The following KHDRBS2 variants were observed in gnomAD, a reference collection of about 807,000 sequenced individuals.
KHDRBS2 encodes KH domain-containing, RNA-binding, signal transduction-associated protein 2.
Under a neutral mutation model 44.3 loss-of-function variants are expected in KHDRBS2, and 26 were observed. The ratio of observed to expected loss-of-function variants is 0.59; its 90% CI spans 0.43 to 0.81. The LOEUF is 0.81. Among genes scored for constraint, KHDRBS2 ranks in the 40% least tolerant of loss-of-function variants. The probability of loss-of-function intolerance (pLI) is 0.00; values close to 1 mark genes in which losing one functional copy is unlikely to be tolerated. For synonymous variants in KHDRBS2, 194 were observed against 151.1 expected, an observed-to-expected ratio of 1.28 and a Z score of -2.08; for missense variants, 476 against 433.1, an observed-to-expected ratio of 1.10 and a Z score of -0.88.
In KHDRBS2 at chr6:62,171,311, T is replaced by C. The variant is rs190598353; in HGVS notation, c.219+5874A>G. The stretch of plus-strand genomic sequence containing the variant: ...ACAATCACAAGTATTAACAACAGAA[T>C]AGACCAAGCTGAGGAAAGAATCTTA... On this transcript the variant is annotated intron_variant, in intron 2 of 8. Transcript: ENST00000281156. Among the ~76,000 whole-genome samples, 121 of 151,924 alleles carry C rather than the reference T, an allele frequency of 8.0e-4. 1 individual carries two copies. In the Middle Eastern group the frequency reaches 0.014, roughly 17 times the overall value.
intron 6 of KHDRBS2, among the ~76,000 whole-genome samples, chr6:61,886,846 T>C (rs1362192775): frequency 6.6e-6 from 1 of 152,218 alleles, no homozygotes; most frequent in Non-Finnish European, 1.5e-5. Flanking sequence ...AGAGATAGTT[T>C]CTCTTTAACT....
At chr6:62,048,682 T>C (rs974012858) in intron 2 of KHDRBS2, among the ~76,000 whole-genome samples, 1 of 151,814 alleles carries the variant, frequency 6.6e-6, no homozygotes, top group Non-Finnish European at 1.5e-5. Flanking sequence ...AATTCTGGGG[T>C]TCCACATAAT....
At chr6:62,031,913 A>G (rs1194964772) in intron 3 of KHDRBS2, among the ~76,000 whole-genome samples, 1 of 152,052 alleles carries the variant, frequency 6.6e-6, no homozygotes, top group Non-Finnish European at 1.5e-5. Flanking sequence ...AAGTGGTTAT[A>G]GAAGGCCATA....
At chr6:62,103,959 A>G (rs1038033419) in intron 2 of KHDRBS2, among the ~76,000 whole-genome samples, 1 of 152,230 alleles carries the variant, frequency 6.6e-6, no homozygotes, top group Non-Finnish European at 1.5e-5. Context: ...TAAGAAACAT[A>G]AGGTCATAAA....
At chr6:62,049,567 T>A (rs1488977223) in intron 2 of KHDRBS2, among the ~76,000 whole-genome samples, 16 of 152,004 alleles carry the variant, frequency 1.1e-4, no homozygotes, top group Admixed American at 1.1e-3. Flanking sequence ...ATAAATGTCA[T>A]CTTTTGGGAA....
chr6:61,851,527 A>T (rs182293737), intron 6 of KHDRBS2, among the ~76,000 whole-genome samples: 16 of 152,266 alleles, frequency 1.1e-4, no homozygotes, highest in African/African-American at 3.6e-4. Context: ...GACTGGTATC[A>T]TCATAAGAAA....
At chr6:61,555,923 G>A in the KHDRBS2 span, among the ~76,000 whole-genome samples, 82 of 152,268 alleles carry the variant, frequency 5.4e-4, no homozygotes, top group Admixed American at 9.2e-4. Flanking sequence ...TGGATCACTC[G>A]CCACAACACT....
At chr6:62,181,322 A>C (rs1179045354) in intron 1 of KHDRBS2, among the ~76,000 whole-genome samples, 1 of 151,956 alleles carries the variant, frequency 6.6e-6, no homozygotes, top group Non-Finnish European at 1.5e-5. Flanking sequence ...TATCCAAAAT[A>C]CATAAGGAAC....
intron 8 of KHDRBS2, among the ~76,000 whole-genome samples, chr6:61,688,841 G>A (rs945164035): frequency 2.0e-5 from 3 of 151,864 alleles, no homozygotes; most frequent in African/African-American, 4.8e-5. Context: ...TGGGAGGTAA[G>A]CTCTAAATCC....
At chr6:62,156,228 T>A (rs1006773027) in intron 2 of KHDRBS2, among the ~76,000 whole-genome samples, 2 of 152,112 alleles carry the variant, frequency 1.3e-5, no homozygotes, top group African/African-American at 4.8e-5. Context: ...AATATAAAAA[T>A]AATAAACATG....
At chr6:61,940,439 AAC>A (rs1426234907) in intron 4 of KHDRBS2, among the ~76,000 whole-genome samples, 1 of 152,066 alleles carries the variant, frequency 6.6e-6, no homozygotes, top group East Asian at 1.9e-4. Flanking sequence ...TAACATAGGG[AAC>A]TTCCAGGAGA....
intron 2 of KHDRBS2, among the ~76,000 whole-genome samples, chr6:62,096,523 T>A (rs76709475): frequency 7.2e-5 from 11 of 151,986 alleles, no homozygotes; most frequent in African/African-American, 2.6e-4. Context: ...TTGTTCACAA[T>A]AGTCTCTAGT....
intron 4 of KHDRBS2, among the ~76,000 whole-genome samples, chr6:61,974,999 G>T (rs180908254): frequency 1.2e-3 from 178 of 151,988 alleles, no homozygotes; most frequent in African/African-American, 4.1e-3. Flanking sequence ...TACAGTGTGT[G>T]AATGGAGACC....
intron 7 of KHDRBS2, among the ~76,000 whole-genome samples, chr6:61,728,954 C>T (rs1254861457): frequency 6.6e-6 from 1 of 152,096 alleles, no homozygotes; most frequent in Non-Finnish European, 1.5e-5. Flanking sequence ...AAATACCATT[C>T]TACCCAACAA....
intron 4 of KHDRBS2, among the ~76,000 whole-genome samples, chr6:61,910,583 T>C (rs940068888): frequency 2.0e-5 from 3 of 152,176 alleles, no homozygotes; most frequent in Non-Finnish European, 4.4e-5. Flanking sequence ...AGACAGTATG[T>C]AGACATTTTG....
chr6:62,128,308 TGA>T (rs1421577036), intron 2 of KHDRBS2, among the ~76,000 whole-genome samples: 1 of 152,102 alleles, frequency 6.6e-6, no homozygotes, highest in Non-Finnish European at 1.5e-5. Context: ...AAGGTTGTTG[TGA>T]GAGTTCCTGT....
At chr6:61,615,324 G>T in the KHDRBS2 span, among the ~76,000 whole-genome samples, 2 of 151,062 alleles carry the variant, frequency 1.3e-5, no homozygotes, top group Admixed American at 1.3e-4. Context: ...TTAAAATAGT[G>T]CCTGGCTGTT....
chr6:62,177,813 A>C (rs1821447312), intron 1 of KHDRBS2, among the ~76,000 whole-genome samples: 1 of 151,440 alleles, frequency 6.6e-6, no homozygotes, highest in South Asian at 2.1e-4. Flanking sequence ...ATATTTCACT[A>C]GGAATCATAG....
In KHDRBS2 at chr6:61,970,343, C is replaced by T. The variant is rs556922944; in HGVS notation, c.483+7723G>A. ...GCATATTTTCAGACTCTTTCAAATGCATTTAAAAAAAAAATCCCATCATTT... is the reference window on the plus strand; with the variant it reads ...GCATATTTTCAGACTCTTTCAAATGTATTTAAAAAAAAAATCCCATCATTT... On this transcript the variant is annotated intron_variant, in intron 4 of 8. Coordinates refer to ENST00000281156, the MANE Select transcript of KHDRBS2 (RefSeq NM_152688.4). 2.6e-5 allele frequency among the ~76,000 whole-genome samples: 4 copies of T among 151,806 alleles called. No individual in the cohort carries two copies. The South Asian group carries it at 6.2e-4, about 24-fold the overall frequency.
Sources: allele counts gnomAD v4.1 joint callset (sites outside exome capture counted in the v4.1 genomes callset), GRCh38; gene constraint gnomAD v4.1.1; transcripts MANE v1.5; gene names NCBI Gene and HGNC (gene_info 2026-07-23, HGNC 2026-07-21).